MIPEP: variants seen among roughly 807,000 people sequenced by gnomAD.
MIPEP encodes the protein mitochondrial intermediate peptidase.
In MIPEP, 79 loss-of-function variants were observed where a neutral mutation model predicts 90.3. The observed-to-expected ratio is 0.87, with a 90% CI of 0.73 to 1.05. The LOEUF is 1.05. Among genes scored for constraint, MIPEP ranks in the 50% least tolerant of loss-of-function variants. The pLI, the probability that MIPEP is intolerant of heterozygous loss-of-function variation, is 0.00. For synonymous variants in MIPEP, 334 were observed against 315.8 expected (o/e 1.06, Z -0.61); for missense variants, 940 against 905.6 (o/e 1.04, Z -0.49).
chr13:23,888,546 G>A, intron 1 of MIPEP: 1 of 260,624 alleles, frequency 3.8e-6, no homozygotes, highest in Non-Finnish European at 6.0e-6. Context: ...AGAAATCAAA[G>A]TGACCAATTC....
At chr13:23,855,092 T>C (rs1338059857) in intron 10 of MIPEP, among the ~76,000 whole-genome samples, 1 of 152,194 alleles carries the variant, frequency 6.6e-6, no homozygotes, top group Non-Finnish European at 1.5e-5. Context: ...TATTCTCAAT[T>C]AATACTTCTT....
At chr13:23,799,774 C>T (rs373801222) in intron 16 of MIPEP, among the ~76,000 whole-genome samples, 7 of 152,284 alleles carry the variant, frequency 4.6e-5, no homozygotes, top group Admixed American at 1.3e-4. Context: ...TTTGTTCTAA[C>T]GAGAAGGACC....
Position 23,837,689 on chromosome 13 carries a change from A to G in MIPEP, c.1406T>C (p.Val469Ala). 6.2e-7 allele frequency: 1 copy of G among 1,614,162 alleles called. No homozygotes were observed. The highest frequency in any genetic ancestry group is 1.6e-4 in the Middle Eastern group (1 of 6,062). The change falls in exon 13 of 19, where the codon GTT becomes GCT. Residue 469 changes from valine to alanine, a missense_variant. Coordinates refer to ENST00000382172, the MANE Select transcript of MIPEP (RefSeq NM_005932.4). Reference protein sequence around the residue: ...EDGDYQLPVVVLMLNLPRSSR... With the variant: ...EDGDYQLPVVALMLNLPRSSR... Reference sequence around the variant, plus strand: ...GGAACGGGGAAGATTCAGCATAAGAACTACAACTGGGAGTTGATAGTCTCC... The same window carrying G: ...GGAACGGGGAAGATTCAGCATAAGAGCTACAACTGGGAGTTGATAGTCTCC...
Position 23,881,729 on chromosome 13 carries a change from GCTT to G in MIPEP, c.419_421del (p.Glu140del). 6.2e-7 allele frequency: 1 copy of G among 1,614,050 alleles called. No individual in the cohort carries two copies. The highest frequency in any genetic ancestry group is 1.1e-5 in the South Asian group (1 of 91,024). ...TACCATGGTGCCAATACTTCTACAA[GCTT>G]CTTCCGCAGCTTCTCTGAATGCTGG... On this transcript the variant is annotated inframe_deletion, in exon 3 of 19. Coordinates refer to ENST00000382172, the MANE Select transcript of MIPEP (RefSeq NM_005932.4).
intron 14 of MIPEP, among the ~76,000 whole-genome samples, chr13:23,812,359 C>CAAAGGGCAGG (rs1377985426): frequency 6.6e-6 from 1 of 151,940 alleles, no homozygotes; most frequent in African/African-American, 2.4e-5. Context: ...ACAGCACATG[C>CAAAGGGCAGG]AAAGGGCAGG....
chr13:23,737,161 T>G (rs1393614010), intron 18 of MIPEP, among the ~76,000 whole-genome samples: 1 of 152,222 alleles, frequency 6.6e-6, no homozygotes, highest in African/African-American at 2.4e-5. Context: ...TTACAAGCAG[T>G]CACGACTGTG....
chr13:23,771,423 G>C (rs943065), intron 16 of MIPEP, among the ~76,000 whole-genome samples: 1 of 152,158 alleles, frequency 6.6e-6, no homozygotes, highest in South Asian at 2.1e-4. Flanking sequence ...TTTGGAAACA[G>C]TTTACATCTG....
At chr13:23,821,974 T>C (rs1953311210) in intron 14 of MIPEP, among the ~76,000 whole-genome samples, 3 of 152,046 alleles carry the variant, frequency 2.0e-5, no homozygotes, top group Non-Finnish European at 1.5e-5. Context: ...CATGGGAAAA[T>C]GCACCAAGAG....
intron 11 of MIPEP, 129 bp downstream of exon 11, chr13:23,841,206 G>A: frequency 2.8e-6 from 2 of 723,946 alleles, no homozygotes; most frequent in Admixed American, 3.5e-5. Flanking sequence ...TTTTTTTTGT[G>A]AAGCAGAAAT....
At chr13:23,736,478 T>C (rs931658490) in intron 18 of MIPEP, among the ~76,000 whole-genome samples, 9 of 152,220 alleles carry the variant, frequency 5.9e-5, no homozygotes, top group African/African-American at 2.2e-4. Context: ...AACATTTTTG[T>C]TCTGACGGCT....
intron 14 of MIPEP, among the ~76,000 whole-genome samples, chr13:23,814,471 C>A (rs554158793): frequency 6.6e-6 from 1 of 151,858 alleles, no homozygotes; most frequent in South Asian, 2.1e-4. Context: ...CTGTATTAAC[C>A]AGGATGGTCT....
At chr13:23,787,719 T>A (rs778816551) in intron 16 of MIPEP, among the ~76,000 whole-genome samples, 1 of 152,150 alleles carries the variant, frequency 6.6e-6, no homozygotes, top group South Asian at 2.1e-4. Context: ...TCCAAGAATA[T>A]CTCTTTTAGG....
intron 1 of MIPEP, chr13:23,888,151 C>G (rs1410373181): frequency 2.3e-6 from 1 of 430,678 alleles, no homozygotes; most frequent in Non-Finnish European, 4.6e-6. Flanking sequence ...CTCATCCACC[C>G]AAAATCAGGC....
chr13:23,760,098 G>T lies in MIPEP; in HGVS notation c.1968C>A (p.Asn656Lys). 6.2e-7 allele frequency: 1 copy of T among 1,614,092 alleles called. No individual in the cohort carries two copies. Among genetic ancestry groups the T allele is most frequent in the South Asian group, 1.1e-5 (1 of 91,080 alleles). Residue 656 changes from asparagine (N) to lysine (K), a missense_variant and splice_region_variant, in exon 17 of 19, where the codon AAC becomes AAA. Transcript: ENST00000382172. ...CATTTTAGAACTTACCCCCTTACCT[G>T]TTGAAAGGATCCTGTAGAAAACACT... ...WKECFLQDPF[N>K]RAAGERYRRE...
At position 23,858,869 on chromosome 13, in the gene MIPEP, C is replaced by A. The variant is rs1165109530; in HGVS notation, c.1097G>T (p.Arg366Leu). 6 of 1,613,508 alleles carry A rather than the reference C, an allele frequency of 3.7e-6. No homozygotes were observed. In the South Asian group the frequency reaches 6.6e-5, roughly 18 times the overall value. ...WDPPYYSGVI[R>L]AERYNIEPSL... ...TTCTTGAAAAACTTACCTTTCTGCA[C>A]GAATCACACCACTGTAGTAAGGGGG... The change falls in exon 10 of 19, where the codon CGT becomes CTT. Residue 366 changes from arginine (R) to leucine (L), a missense_variant. By Grantham distance (102) the Arg-to-Leu change is moderately radical (BLOSUM62 -2). Coordinates refer to ENST00000382172, the MANE Select transcript of MIPEP (RefSeq NM_005932.4).
At chr13:23,748,593 G>A (rs1952408047) in intron 18 of MIPEP, among the ~76,000 whole-genome samples, 1 of 152,164 alleles carries the variant, frequency 6.6e-6, no homozygotes, top group South Asian at 2.1e-4. Flanking sequence ...CAACAGCAAA[G>A]TTTTACTTGG....
Position 23,857,870 on chromosome 13 carries a change from T to A in MIPEP, c.1106+990A>T, listed in dbSNP as rs370875324. Among the ~76,000 whole-genome samples the A allele has an allele frequency of 3.3e-5, 5 of 152,192 alleles. No individual in the cohort carries two copies. The East Asian group carries it at 7.7e-4, about 23-fold the overall frequency. On this transcript the variant is annotated intron_variant, in intron 10 of 18. Coordinates refer to ENST00000382172, the MANE Select transcript of MIPEP (RefSeq NM_005932.4). ...GCAAATACTTCTTATTTTGGAGAAG[T>A]ACCTACTATGCTTTACTTGATGCTT... is the stretch of plus-strand genomic sequence containing the variant.
At chr13:23,809,790 G>T (rs1407136380) in intron 15 of MIPEP, 60 bp downstream of exon 15, 33 of 1,012,072 alleles carry the variant, frequency 3.3e-5, no homozygotes, top group Non-Finnish European at 4.6e-5. Flanking sequence ...AGAATGTAAA[G>T]TTATATATTT....
At chr13:23,749,657 T>G (rs1237923792) in intron 18 of MIPEP, among the ~76,000 whole-genome samples, 1 of 152,164 alleles carries the variant, frequency 6.6e-6, no homozygotes, top group East Asian at 1.9e-4. Flanking sequence ...CCGAATTGCA[T>G]AAGGGCTTCT....
Sources: allele counts gnomAD v4.1 joint callset (sites outside exome capture counted in the v4.1 genomes callset), GRCh38; gene constraint gnomAD v4.1.1; transcripts MANE v1.5; gene names NCBI Gene and HGNC (gene_info 2026-07-23, HGNC 2026-07-21).